ARID5B: variants seen among roughly 807,000 people sequenced by gnomAD.
ARID5B encodes AT-rich interactive domain-containing protein 5B.
A neutral mutation model predicts 97.2 loss-of-function variants in ARID5B; 13 were observed. The ratio of observed to expected loss-of-function variants is 0.13; its 90% CI spans 0.09 to 0.21. The LOEUF (loss-of-function observed/expected upper bound fraction) is 0.21. ARID5B is among the 10% of genes least tolerant of loss of function. ARID5B has a pLI of 1.00. For synonymous variants in ARID5B, 556 were observed against 570.3 expected, an observed-to-expected ratio of 0.97 and a Z score of 0.36; for missense variants, 1,210 against 1,465.3, an observed-to-expected ratio of 0.83 and a Z score of 2.84.
At position 62,089,490 on chromosome 10, in the gene ARID5B, TCTTC is replaced by T. The variant is rs562636516; in HGVS notation, c.1399-1358_1399-1355del. On this transcript the variant is annotated intron_variant, in intron 9 of 9. Transcript: ENST00000279873. Reference sequence around the variant, plus strand: ...GCCTGCCTGCCTTCCTTCCTTCCTTTCTTCCTTCCTTCCTTCCCTCCCTCCTTCC... The same window carrying T: ...GCCTGCCTGCCTTCCTTCCTTCCTTTCTTCCTTCCTTCCCTCCCTCCTTCC... 1.3e-3 allele frequency among the ~76,000 whole-genome samples: 191 copies of T among 149,938 alleles called. 1 individual carries two copies. Among genetic ancestry groups the T allele is most frequent in the Admixed American group, 3.5e-3 (52 of 15,052 alleles).
At chr10:61,984,307 TG>T (rs1484018389) in intron 3 of ARID5B, among the ~76,000 whole-genome samples, 1 of 152,216 alleles carries the variant, frequency 6.6e-6, no homozygotes, top group Non-Finnish European at 1.5e-5. Flanking sequence ...TGTTCACCCA[TG>T]TAAACCCACT....
chr10:62,008,494 T>C (rs1477855830), intron 4 of ARID5B, among the ~76,000 whole-genome samples: 2 of 152,346 alleles, frequency 1.3e-5, no homozygotes, highest in East Asian at 3.9e-4. Flanking sequence ...TTGTAGGATT[T>C]AAATAGAGAG....
chr10:62,020,304 A>G (rs1839339526), intron 4 of ARID5B, among the ~76,000 whole-genome samples: 1 of 152,228 alleles, frequency 6.6e-6, no homozygotes, highest in African/African-American at 2.4e-5. Flanking sequence ...GATTTTCTTA[A>G]CATATAATTT....
chr10:61,941,030 G>A (rs1239553737), intron 3 of ARID5B, among the ~76,000 whole-genome samples: 5 of 116,638 alleles, frequency 4.3e-5, no homozygotes, highest in Non-Finnish European at 6.6e-5. Context: ...AAGTTTAAAG[G>A]AGAACTTGGG....
chr10:61,992,349 T>C (rs1838938037), intron 3 of ARID5B, among the ~76,000 whole-genome samples: 2 of 152,352 alleles, frequency 1.3e-5, no homozygotes, highest in East Asian at 3.9e-4. Flanking sequence ...TTCTTCCCAC[T>C]GCGTTCATTT....
intron 4 of ARID5B, among the ~76,000 whole-genome samples, chr10:62,033,840 A>C (rs1839527493): frequency 6.6e-6 from 1 of 152,186 alleles, no homozygotes; most frequent in African/African-American, 2.4e-5. Flanking sequence ...CGAACGGTTA[A>C]ATTCAGCCCG....
intron 7 of ARID5B, among the ~76,000 whole-genome samples, chr10:62,064,092 C>G (rs955590208): frequency 1.3e-5 from 2 of 152,182 alleles, no homozygotes; most frequent in Non-Finnish European, 2.9e-5. Context: ...GAGACAGGGC[C>G]ATTGTTCTTC....
At chr10:62,049,813 T>G (rs898670393) in intron 4 of ARID5B, among the ~76,000 whole-genome samples, 3 of 152,302 alleles carry the variant, frequency 2.0e-5, no homozygotes, top group African/African-American at 7.2e-5. Context: ...TAAGTAAGAT[T>G]AACAACAATC....
intron 8 of ARID5B, 136 bp downstream of exon 8, chr10:62,069,933 T>C: frequency 1.3e-6 from 1 of 756,978 alleles, no homozygotes; most frequent in Non-Finnish European, 2.1e-6. Context: ...TTACTTTGCA[T>C]ACCGCCTTGT....
intron 2 of ARID5B, among the ~76,000 whole-genome samples, chr10:61,916,396 C>T (rs962223884): frequency 2.6e-5 from 4 of 152,156 alleles, no homozygotes; most frequent in Admixed American, 2.0e-4. Context: ...CTATATACCA[C>T]ACAGAGCTTA....
At chr10:62,061,410 A>G (rs932147031) in intron 7 of ARID5B, among the ~76,000 whole-genome samples, 6 of 152,216 alleles carry the variant, frequency 3.9e-5, no homozygotes, top group African/African-American at 1.4e-4. Flanking sequence ...GGAGAGTTTG[A>G]AAAACATAAA....
At chr10:62,047,270 G>A (rs1023331156) in intron 4 of ARID5B, among the ~76,000 whole-genome samples, 2 of 152,166 alleles carry the variant, frequency 1.3e-5, no homozygotes, top group African/African-American at 4.8e-5. Flanking sequence ...GACTTGTACA[G>A]AGAAAGTGCT....
rs573207662 is a variant in ARID5B at position 62,017,453 on chromosome 10, A to G, written c.733+17132A>G. Among the ~76,000 whole-genome samples the G allele has an allele frequency of 5.3e-5, 8 of 150,136 alleles. No individual in the cohort carries two copies. The South Asian group carries it at 8.4e-4, about 16-fold the overall frequency. ...GGCAACAGAGCGAGACCCCGTCTCG[A>G]AAAAAAAAATAAGTCATGGTATTTT... On this transcript the variant is annotated intron_variant, in intron 4 of 9. Transcript: ENST00000279873.
intron 3 of ARID5B, among the ~76,000 whole-genome samples, chr10:61,956,241 T>C (rs571229847): frequency 6.6e-6 from 1 of 152,284 alleles, no homozygotes; most frequent in South Asian, 2.1e-4. Context: ...CATTAGATTA[T>C]CATAGGAGCA....
chr10:61,936,856 A>G (rs748468017), intron 2 of ARID5B, among the ~76,000 whole-genome samples: 4,188 of 150,794 alleles, frequency 0.028, 100 homozygotes, highest in African/African-American at 0.045. Flanking sequence ...CCAAAAAAAA[A>G]AAAAAAAGAA....
chr10:62,096,866 C>T lies in ARID5B; in HGVS notation c.*3836C>T, dbSNP rs958563877. ...ACTGTATTACGTGCCAATAGTTTCC[C>T]AATCACATAGCAGGCAAGAGATATT... On this transcript the variant is annotated 3_prime_UTR_variant, in exon 10 of 10. Coordinates refer to ENST00000279873, the MANE Select transcript of ARID5B (RefSeq NM_032199.3). 3 of 233,362 alleles carry T rather than the reference C, an allele frequency of 1.3e-5. No individual in the cohort carries two copies. The highest frequency in any genetic ancestry group is 2.5e-5 in the Non-Finnish European group (3 of 117,970). The allele number at this position is 233,362 out of a possible 1,614,324, so 14.5% of individuals were successfully genotyped here.
At position 61,974,929 on chromosome 10, in the gene ARID5B, CAGATATGTGCTCTAACTGCTTAT is replaced by C. The variant is rs558390709; in HGVS notation, c.503-25161_503-25139del. ...TTAAATTAGCCTGGGGTCTCGGGGG[CAGATATGTGCTCTAACTGCTTAT>C]TACACATTTTCAGTTTTCGAAGGAA... On this transcript the variant is annotated intron_variant, in intron 3 of 9. Transcript: ENST00000279873. Among the ~76,000 whole-genome samples, 1,388 of 151,618 alleles carry C rather than the reference CAGATATGTGCTCTAACTGCTTAT, an allele frequency of 9.2e-3. 22 individuals are homozygous for C. The highest frequency in any genetic ancestry group is 0.032 in the African/African-American group (1,325 of 41,304).
At chr10:62,072,214 G>A (rs1840074422) in intron 8 of ARID5B, among the ~76,000 whole-genome samples, 1 of 152,218 alleles carries the variant, frequency 6.6e-6, no homozygotes, top group Non-Finnish European at 1.5e-5. Flanking sequence ...GAAACCTGAG[G>A]AGGCGGTGCT....
chr10:62,066,749 G>C (rs1483066477), intron 7 of ARID5B, among the ~76,000 whole-genome samples: 1 of 152,124 alleles, frequency 6.6e-6, no homozygotes, highest in African/African-American at 2.4e-5. Flanking sequence ...TGTATCATAG[G>C]GCATTCCCTC....
Sources: gnomAD v4.1 joint callset for allele counts (sites outside exome capture counted in the v4.1 genomes callset) on GRCh38, gnomAD v4.1.1 for gene constraint, MANE v1.5 for transcripts, NCBI Gene and HGNC (gene_info 2026-07-23, HGNC 2026-07-21) for gene names.